The following ZNF407 variants were observed in gnomAD, a reference collection of about 807,000 sequenced individuals.
ZNF407 encodes the protein zinc finger protein 407.
ZNF407 carries 17 observed loss-of-function variants against 131.2 expected under a neutral mutation model. That is an observed-to-expected ratio of 0.13 (90% CI 0.09 to 0.19). The LOEUF (loss-of-function observed/expected upper bound fraction) is 0.19. Ranked by LOEUF, ZNF407 falls within the 10% of genes least tolerant of loss-of-function variation. The probability of loss-of-function intolerance (pLI) is 1.00; values close to 1 mark genes in which losing one functional copy is unlikely to be tolerated. For missense variants in ZNF407, 2,681 were observed against 2,830.6 expected (o/e 0.95, Z 1.20); for synonymous variants, 1,156 against 1,062.0 (o/e 1.09, Z -1.72).
intron 3 of ZNF407, among the ~76,000 whole-genome samples, chr18:74,729,963 G>T (rs1968256317): frequency 6.6e-6 from 1 of 152,176 alleles, no homozygotes. Flanking sequence ...TTCTTAAAAG[G>T]TGACACTTTT....
intron 8 of ZNF407, among the ~76,000 whole-genome samples, chr18:74,959,855 T>C (rs1326222248): frequency 6.6e-6 from 1 of 152,238 alleles, no homozygotes; most frequent in Non-Finnish European, 1.5e-5. Context: ...ACATTGAAGA[T>C]GGCATAATGA....
Position 74,877,193 on chromosome 18 carries a change from G to T in ZNF407, c.4878-4G>T. ...TTATATTGTTTTCTCTCTCCTTCAT[G>T]CAGGAAATTTACATGCCACTTATGT... On this transcript the variant is annotated splice_region_variant and splice_polypyrimidine_tract_variant and intron_variant, in intron 4 of 8. Coordinates refer to ENST00000299687, the MANE Select transcript of ZNF407 (RefSeq NM_017757.3). 1 of 1,613,760 alleles carries T rather than the reference G, an allele frequency of 6.2e-7. No homozygotes were observed. The highest frequency in any genetic ancestry group is 8.5e-7 in the Non-Finnish European group (1 of 1,179,750).
intron 7 of ZNF407, among the ~76,000 whole-genome samples, chr18:74,892,317 C>T (rs1051965176): frequency 1.2e-4 from 18 of 152,142 alleles, no homozygotes; most frequent in Admixed American, 5.2e-4. Flanking sequence ...GCTGTGGGAC[C>T]GCGGTCAAAC....
chr18:74,868,831 G>A (rs999683269), intron 4 of ZNF407, among the ~76,000 whole-genome samples: 5 of 152,196 alleles, frequency 3.3e-5, no homozygotes, highest in Non-Finnish European at 7.3e-5. Flanking sequence ...CCCACATACT[G>A]TGGGGTTCTG....
intron 8 of ZNF407, among the ~76,000 whole-genome samples, chr18:74,933,117 T>C (rs996271932): frequency 6.6e-6 from 1 of 152,144 alleles, no homozygotes; most frequent in Admixed American, 6.5e-5. Context: ...GCACTATTAA[T>C]AGTGAAAAAG....
intron 8 of ZNF407, among the ~76,000 whole-genome samples, chr18:74,968,816 C>T (rs187173104): frequency 1.6e-3 from 248 of 152,234 alleles, no homozygotes; most frequent in Middle Eastern, 3.4e-3. Flanking sequence ...AGGTATTTGT[C>T]GTTCACCAAA....
Position 74,890,048 on chromosome 18 carries a change from C to T in ZNF407, c.5249+10C>T, listed in dbSNP as rs1313065644. On this transcript the variant is annotated intron_variant, in intron 7 of 8. Transcript: ENST00000299687. Reference sequence around the variant, plus strand: ...CCTGGTGTGACTACAGGTAATGACTCATCACTGAGCAGTCAAATCAGGTGG... The same window carrying T: ...CCTGGTGTGACTACAGGTAATGACTTATCACTGAGCAGTCAAATCAGGTGG... The T allele has an allele frequency of 1.3e-6, 2 of 1,532,062 alleles. No individual in the cohort carries two copies. Among genetic ancestry groups the T allele is most frequent in the African/African-American group, 1.4e-5 (1 of 71,830 alleles). 94.9% of individuals were successfully genotyped at this position (1,532,062 alleles called of 1,614,324 possible). A position where few individuals can be genotyped will look rare whatever the true frequency, so the allele number is the denominator to read the frequency against.
chr18:74,663,350 A>G (rs1985794547), intron 3 of ZNF407, among the ~76,000 whole-genome samples: 1 of 152,166 alleles, frequency 6.6e-6, no homozygotes, highest in African/African-American at 2.4e-5. Context: ...AATGTCTGGG[A>G]TAAGGACATA....
At chr18:74,650,189 C>T (rs990437636) in intron 3 of ZNF407, among the ~76,000 whole-genome samples, 2 of 152,154 alleles carry the variant, frequency 1.3e-5, no homozygotes, top group South Asian at 2.1e-4. Context: ...GACTAGTGCC[C>T]ATTGGCAGAA....
chr18:74,946,507 A>G (rs1972155181), intron 8 of ZNF407, among the ~76,000 whole-genome samples: 1 of 152,262 alleles, frequency 6.6e-6, no homozygotes, highest in Non-Finnish European at 1.5e-5. Context: ...AATGAATCAC[A>G]GGGGAGAAAA....
intron 7 of ZNF407, among the ~76,000 whole-genome samples, chr18:74,915,554 A>AGT (rs769423259): frequency 1.9e-5 from 1 of 53,068 alleles, no homozygotes; most frequent in East Asian, 5.2e-4. Flanking sequence ...TCGAATCGGG[A>AGT]GTGTGTGTGT....
At chr18:74,893,984 T>A (rs1197159975) in intron 7 of ZNF407, among the ~76,000 whole-genome samples, 11 of 152,254 alleles carry the variant, frequency 7.2e-5, no homozygotes, top group Non-Finnish European at 1.5e-5. Flanking sequence ...GTATTTCTCA[T>A]TTTATAAATT....
chr18:74,643,772 G>A lies in ZNF407; in HGVS notation c.4802+2650G>A, dbSNP rs568599052. 3.3e-5 allele frequency among the ~76,000 whole-genome samples: 5 copies of A among 151,952 alleles called. No homozygotes were observed. The South Asian group carries it at 6.2e-4, about 19-fold the overall frequency. ...GATTTTGGATGCTCATCAACTGCAC[G>A]TTTTGTGTTTTTCATTAACACGTAG... On this transcript the variant is annotated intron_variant, in intron 3 of 8. Coordinates refer to ENST00000299687, the MANE Select transcript of ZNF407 (RefSeq NM_017757.3).
chr18:75,005,855 T>A (rs971096858), intron 8 of ZNF407, among the ~76,000 whole-genome samples: 9 of 152,038 alleles, frequency 5.9e-5, no homozygotes, highest in African/African-American at 2.2e-4. Flanking sequence ...CTCTTGCTGG[T>A]CATGTCTGGT....
At chr18:75,062,464 T>G (rs534912581) in intron 8 of ZNF407, 1 of 152,324 alleles carries the variant, frequency 6.6e-6, no homozygotes, top group South Asian at 2.1e-4. Flanking sequence ...TCTCAGCCCC[T>G]GAGTGGCCAG....
At chr18:74,669,083 A>G (rs1986040755) in intron 3 of ZNF407, among the ~76,000 whole-genome samples, 1 of 151,686 alleles carries the variant, frequency 6.6e-6, no homozygotes, top group Non-Finnish European at 1.5e-5. Context: ...TGTCTTTCCT[A>G]CTTCCTGAAC....
intron 4 of ZNF407, among the ~76,000 whole-genome samples, chr18:74,852,129 A>G (rs1290092678): frequency 6.6e-6 from 1 of 151,978 alleles, no homozygotes; most frequent in Non-Finnish European, 1.5e-5. Flanking sequence ...GGTCCTAAAA[A>G]CATTCTGTGT....
chr18:74,780,328 T>C (rs1379014483), intron 3 of ZNF407, among the ~76,000 whole-genome samples: 1 of 152,200 alleles, frequency 6.6e-6, no homozygotes, highest in Admixed American at 6.5e-5. Context: ...TGTTTTGCTT[T>C]TGGCTTTTGT....
intron 4 of ZNF407, among the ~76,000 whole-genome samples, chr18:74,818,791 T>C (rs907942500): frequency 6.6e-6 from 1 of 151,776 alleles, no homozygotes; most frequent in African/African-American, 2.4e-5. Flanking sequence ...AAGTCATTAT[T>C]CAATACATTT....
Sources: allele counts gnomAD v4.1 joint callset (sites outside exome capture counted in the v4.1 genomes callset), GRCh38; gene constraint gnomAD v4.1.1; transcripts MANE v1.5; gene names NCBI Gene and HGNC (gene_info 2026-07-23, HGNC 2026-07-21).